The following DKK3 variants were observed in gnomAD, a reference collection of about 807,000 sequenced individuals.
DKK3 encodes dickkopf Wnt signaling pathway inhibitor 3.
Under a neutral mutation model 33.2 loss-of-function variants are expected in DKK3, and 22 were observed. The observed-to-expected ratio is 0.66, with a 90% CI of 0.47 to 0.95. The LOEUF is 0.95. DKK3 is among the 40% of genes least tolerant of loss of function. The pLI is 0.00. For synonymous variants in DKK3, 194 were observed against 188.8 expected, an observed-to-expected ratio of 1.03 and a Z score of -0.23; for missense variants, 398 against 458.4, an observed-to-expected ratio of 0.87 and a Z score of 1.20.
chr11:11,987,524 G>C (rs996961989), intron 3 of DKK3, among the ~76,000 whole-genome samples: 5 of 152,164 alleles, frequency 3.3e-5, no homozygotes, highest in African/African-American at 1.2e-4. Context: ...TTGCTGCTTG[G>C]AAGTGCTGTG....
intron 2 of DKK3, among the ~76,000 whole-genome samples, chr11:12,000,180 T>TTTTGTTTG (rs55683428): frequency 3.3e-5 from 5 of 151,404 alleles, no homozygotes; most frequent in African/African-American, 1.2e-4. Context: ...GACTAGTGTT[T>TTTTGTTTG]TTTGTTTGTT....
At chr11:11,974,891 G>T (rs1171774485) in intron 3 of DKK3, among the ~76,000 whole-genome samples, 2 of 151,844 alleles carry the variant, frequency 1.3e-5, no homozygotes, top group African/African-American at 4.8e-5. Context: ...GTCAGACAGT[G>T]GACCCCATCT....
intron 3 of DKK3, among the ~76,000 whole-genome samples, chr11:11,995,313 G>A (rs1848269201): frequency 6.6e-6 from 1 of 152,070 alleles, no homozygotes; most frequent in South Asian, 2.1e-4. Context: ...TTGAACTCCT[G>A]TCTTCAAGTG....
chr11:11,988,927 G>A (rs1303121898), intron 3 of DKK3, among the ~76,000 whole-genome samples: 1 of 152,222 alleles, frequency 6.6e-6, no homozygotes, highest in African/African-American at 2.4e-5. Context: ...CCACACTGCA[G>A]AGGCAACCGC....
chr11:11,968,282 A>G, intron 4 of DKK3, 113 bp downstream of exon 4: 1 of 967,594 alleles, frequency 1.0e-6, no homozygotes, highest in Non-Finnish European at 1.5e-6. Context: ...GGTCCTCCCC[A>G]TCATGGTGAG....
At chr11:11,998,906 C>G (rs954335982) in intron 2 of DKK3, 127 bp from the exon 3 acceptor site, 2 of 768,898 alleles carry the variant, frequency 2.6e-6, no homozygotes, top group Non-Finnish European at 4.3e-6. Flanking sequence ...GAAATGCCCA[C>G]CCCGCTTTCT....
At chr11:11,975,156 C>G (rs1343405952) in intron 3 of DKK3, among the ~76,000 whole-genome samples, 1 of 152,204 alleles carries the variant, frequency 6.6e-6, no homozygotes, top group Non-Finnish European at 1.5e-5. Flanking sequence ...TTTGTGATGG[C>G]AGCCCTAGCA....
intron 3 of DKK3, among the ~76,000 whole-genome samples, chr11:11,973,186 T>G (rs1270587224): frequency 6.6e-6 from 1 of 152,182 alleles, no homozygotes. Flanking sequence ...TTCTCTCTAG[T>G]CTCCTTGACA....
At chr11:11,970,138 A>C (rs1847692997) in intron 3 of DKK3, among the ~76,000 whole-genome samples, 1 of 152,162 alleles carries the variant, frequency 6.6e-6, no homozygotes, top group South Asian at 2.1e-4. Context: ...ATGGAGTGGG[A>C]GGGACGACAT....
upstream of DKK3, chr11:12,009,614 A>T (rs1590568116): frequency 1.0e-6 from 1 of 985,756 alleles, no homozygotes. Context: ...GGTTGGGGGT[A>T]GGGGGAATGT....
chr11:11,972,362 GC>G (rs1337295231), intron 3 of DKK3, among the ~76,000 whole-genome samples: 1 of 152,218 alleles, frequency 6.6e-6, no homozygotes, highest in Non-Finnish European at 1.5e-5. Flanking sequence ...ATCCACCAAA[GC>G]TTGACATCTC....
At chr11:11,983,372 G>T (rs1349310415) in intron 3 of DKK3, among the ~76,000 whole-genome samples, 1 of 152,198 alleles carries the variant, frequency 6.6e-6, no homozygotes, top group Non-Finnish European at 1.5e-5. Context: ...AGAGAACTGG[G>T]AGGTGACAAA....
chr11:11,984,428 G>C (rs966931540), intron 3 of DKK3, among the ~76,000 whole-genome samples: 1 of 130,254 alleles, frequency 7.7e-6, no homozygotes, highest in African/African-American at 2.8e-5. Flanking sequence ...CTATTGGTAC[G>C]AAGTACTGCA....
At chr11:12,001,362 A>T (rs1848424028) in intron 2 of DKK3, among the ~76,000 whole-genome samples, 1 of 152,212 alleles carries the variant, frequency 6.6e-6, no homozygotes, top group Admixed American at 6.5e-5. Flanking sequence ...CTTTATAGTC[A>T]AGGCAACGGC....
At chr11:11,968,709 G>T in intron 3 of DKK3, 1 of 483,562 alleles carries the variant, frequency 2.1e-6, no homozygotes, top group Non-Finnish European at 3.7e-6. Context: ...GAGCCTGGAG[G>T]ATCCCACACC....
intron 1 of DKK3, among the ~76,000 whole-genome samples, chr11:12,007,345 C>T (rs899655748): frequency 7.9e-5 from 12 of 152,308 alleles, no homozygotes; most frequent in African/African-American, 2.9e-4. Flanking sequence ...TTCACTAGGA[C>T]GGCTGGCTCC....
At chr11:12,004,940 C>G (rs1048999849) in intron 1 of DKK3, among the ~76,000 whole-genome samples, 1 of 152,052 alleles carries the variant, frequency 6.6e-6, no homozygotes, top group Non-Finnish European at 1.5e-5. Flanking sequence ...AGAAATGGGG[C>G]TGAGATAGAA....
intron 3 of DKK3, among the ~76,000 whole-genome samples, chr11:11,989,582 T>C (rs1315314342): frequency 6.6e-6 from 1 of 152,160 alleles, no homozygotes; most frequent in Non-Finnish European, 1.5e-5. Context: ...TGCCAGGGGA[T>C]TGCAGGAGGG....
At chr11:11,967,119 C>G in intron 4 of DKK3, 21 bp from the exon 5 acceptor site, 1 of 1,610,250 alleles carries the variant, frequency 6.2e-7, no homozygotes, top group Non-Finnish European at 8.5e-7. Flanking sequence ...GTGGAAAGAG[C>G]CTAGAGCCAG....
Sources: gnomAD v4.1 joint callset for allele counts (sites outside exome capture counted in the v4.1 genomes callset) on GRCh38, gnomAD v4.1.1 for gene constraint, MANE v1.5 for transcripts, NCBI Gene and HGNC (gene_info 2026-07-23, HGNC 2026-07-21) for gene names.